Variants in EIPR1 observed in about 807,000 individuals in gnomAD.
EIPR1 encodes EARP and GARP complex-interacting protein 1.
EIPR1 carries 25 observed loss-of-function variants against 48.1 expected under a neutral mutation model. The observed-to-expected ratio is 0.52, with a 90% CI of 0.38 to 0.73. The LOEUF is 0.73. Ranked by LOEUF, EIPR1 falls within the 30% of genes least tolerant of loss-of-function variation. The pLI, the probability that EIPR1 is intolerant of heterozygous loss-of-function variation, is 0.00. For synonymous variants in EIPR1, 204 were observed against 201.9 expected (o/e 1.01, Z -0.09); for missense variants, 415 against 506.2 (o/e 0.82, Z 1.73).
At chr2:3,357,967 C>G (rs144440572) in intron 1 of EIPR1, among the ~76,000 whole-genome samples, 42 of 152,160 alleles carry the variant, frequency 2.8e-4, no homozygotes, top group African/African-American at 8.9e-4. Context: ...CTTACAGAAC[C>G]GTAAAATAAT....
chr2:3,266,346 C>A (rs1043881299), intron 3 of EIPR1, among the ~76,000 whole-genome samples: 1 of 152,200 alleles, frequency 6.6e-6, no homozygotes, highest in African/African-American at 2.4e-5. Flanking sequence ...TGGATGAGGA[C>A]AAATGACAGC....
chr2:3,297,198 G>A (rs187775582), intron 3 of EIPR1, among the ~76,000 whole-genome samples: 3 of 152,380 alleles, frequency 2.0e-5, no homozygotes, highest in East Asian at 1.9e-4. Context: ...AGGCGTGTGG[G>A]ACACTGTGAA....
chr2:3,330,830 G>C (rs578237406), intron 3 of EIPR1, among the ~76,000 whole-genome samples: 1 of 149,564 alleles, frequency 6.7e-6, no homozygotes, highest in Non-Finnish European at 1.5e-5. Context: ...GTGTACACTC[G>C]AGATGGTGTG....
chr2:3,372,089 C>T (rs1237541630), intron 1 of EIPR1, among the ~76,000 whole-genome samples: 4 of 150,930 alleles, frequency 2.7e-5, no homozygotes, highest in African/African-American at 7.3e-5. Flanking sequence ...CATTCAAAAC[C>T]GCTCAACTAC....
At chr2:3,324,508 G>A (rs62121551) in intron 3 of EIPR1, among the ~76,000 whole-genome samples, 23,794 of 152,312 alleles carry the variant, frequency 0.16, 2,297 homozygotes, top group Non-Finnish European at 0.21. Flanking sequence ...GCAGCTTCGG[G>A]CAGCTGTCTG....
At chr2:3,208,743 T>C (rs1466192480) in intron 5 of EIPR1, 1 of 1,544,924 alleles carries the variant, frequency 6.5e-7, no homozygotes, top group Non-Finnish European at 8.8e-7. Flanking sequence ...TGGCGGGTCC[T>C]TCTGTGAGTG....
chr2:3,289,588 G>A (rs1381650548), intron 3 of EIPR1, among the ~76,000 whole-genome samples: 3 of 152,094 alleles, frequency 2.0e-5, no homozygotes, highest in Non-Finnish European at 4.4e-5. Flanking sequence ...AGAGCCATCC[G>A]TGATCCTGTC....
At chr2:3,371,886 T>C (rs557376439) in intron 1 of EIPR1, among the ~76,000 whole-genome samples, 1 of 152,346 alleles carries the variant, frequency 6.6e-6, no homozygotes, top group East Asian at 1.9e-4. Context: ...GCGGACCTAA[T>C]AGATATCTAC....
At chr2:3,222,623 T>G (rs1040708453) in intron 4 of EIPR1, among the ~76,000 whole-genome samples, 6 of 152,196 alleles carry the variant, frequency 3.9e-5, no homozygotes, top group Non-Finnish European at 5.9e-5. Flanking sequence ...TGTGATGAAG[T>G]CTGCAAAGAG....
intron 1 of EIPR1, among the ~76,000 whole-genome samples, chr2:3,366,392 C>T (rs577430618): frequency 5.1e-4 from 78 of 152,176 alleles, no homozygotes; most frequent in South Asian, 3.5e-3. Flanking sequence ...GACAAATAGA[C>T]GGAAATTAAA....
intron 1 of EIPR1, among the ~76,000 whole-genome samples, chr2:3,375,454 A>G (rs1335740222): frequency 6.6e-6 from 1 of 152,236 alleles, no homozygotes; most frequent in Non-Finnish European, 1.5e-5. Flanking sequence ...AATACTGAAG[A>G]TAAAATCCTC....
At chr2:3,343,805 A>T (rs557766244) in intron 2 of EIPR1, among the ~76,000 whole-genome samples, 2 of 152,128 alleles carry the variant, frequency 1.3e-5, no homozygotes, top group South Asian at 4.2e-4. Context: ...CACCGAGTAC[A>T]GAGCTGCAGG....
At chr2:3,259,850 T>G (rs183029313) in intron 3 of EIPR1, among the ~76,000 whole-genome samples, 1,680 of 152,376 alleles carry the variant, frequency 0.011, 107 homozygotes, top group Admixed American at 0.098. Context: ...CAATAAATGA[T>G]GCTGGATCAA....
intron 1 of EIPR1, among the ~76,000 whole-genome samples, chr2:3,360,727 CAGAATTCTCCACTTAGA>C (rs1298588891): frequency 2.0e-5 from 3 of 152,138 alleles, no homozygotes; most frequent in African/African-American, 7.2e-5. Context: ...GCTTTGCTAT[CAGAATTCTCCACTTAGA>C]AGGTTTAAGG....
chr2:3,223,334 CG>C (rs1665958260), intron 4 of EIPR1, among the ~76,000 whole-genome samples: 1 of 152,090 alleles, frequency 6.6e-6, no homozygotes, highest in South Asian at 2.1e-4. Context: ...CACCGGCACC[CG>C]GGTTCCTGGC....
chr2:3,357,173 G>A (rs1572482353), intron 1 of EIPR1, among the ~76,000 whole-genome samples: 1 of 152,188 alleles, frequency 6.6e-6, no homozygotes, highest in African/African-American at 2.4e-5. Flanking sequence ...TCTGCATTCA[G>A]GGCCCTTGAG....
At chr2:3,347,402 A>G (rs1176333159) in intron 2 of EIPR1, among the ~76,000 whole-genome samples, 2 of 152,178 alleles carry the variant, frequency 1.3e-5, no homozygotes, top group Non-Finnish European at 2.9e-5. Flanking sequence ...AATAGTGAAT[A>G]AGTCTCATGA....
intron 3 of EIPR1, among the ~76,000 whole-genome samples, chr2:3,296,953 C>CCCTAAG (rs1474733518): frequency 6.6e-6 from 1 of 152,258 alleles, no homozygotes; most frequent in Non-Finnish European, 1.5e-5. Flanking sequence ...TAGGGGTTTC[C>CCCTAAG]AATTAAGAGC....
Position 3,257,301 on chromosome 2 carries a change from G to A in EIPR1, c.414C>T (p.Ala138=), listed in dbSNP as rs1558255437. The change falls in exon 4 of 9, where the codon GCC becomes GCT. Residue 138 remains alanine (A), a splice_region_variant and synonymous_variant. Transcript: ENST00000382125. The part of the protein sequence containing the change: ...HLDNTAHGNM[A]CVVWEPMGDG... ...GCATGAAATATGCAAAATCCTACCA[G>A]GCCATGTTGCCATGGGCTGTGTTGT... 1.9e-5 allele frequency: 30 copies of A among 1,612,790 alleles called. No homozygotes were observed. Among genetic ancestry groups the A allele is most frequent in the Non-Finnish European group, 2.5e-5 (29 of 1,179,048 alleles).
Sources: gnomAD v4.1 joint callset for allele counts (sites outside exome capture counted in the v4.1 genomes callset) on GRCh38, gnomAD v4.1.1 for gene constraint, MANE v1.5 for transcripts, NCBI Gene and HGNC (gene_info 2026-07-23, HGNC 2026-07-21) for gene names.